The following GPATCH2 variants were observed in gnomAD, a reference collection of about 807,000 sequenced individuals.
GPATCH2 encodes the protein G-patch domain containing 2.
GPATCH2 carries 51 observed loss-of-function variants against 58.0 expected under a neutral mutation model. That is an observed-to-expected ratio of 0.88 (90% CI 0.70 to 1.11). GPATCH2 has a LOEUF of 1.11. Among genes scored for constraint, GPATCH2 ranks in the 50% most tolerant of loss-of-function variants. GPATCH2 has a pLI of 0.00. For missense variants in GPATCH2, 625 were observed against 652.2 expected (o/e 0.96, Z 0.45); for synonymous variants, 222 against 218.5 (o/e 1.02, Z -0.14).
chr1:217,578,918 G>C (rs544310795), intron 5 of GPATCH2, among the ~76,000 whole-genome samples: 5 of 152,268 alleles, frequency 3.3e-5, no homozygotes, highest in Admixed American at 3.3e-4. Context: ...CGATACTCTA[G>C]TACATCCCAA....
chr1:217,606,685 G>T (rs989260381), intron 5 of GPATCH2, among the ~76,000 whole-genome samples: 15 of 152,144 alleles, frequency 9.9e-5, no homozygotes, highest in African/African-American at 3.6e-4. Context: ...CGGCTGCAGT[G>T]AGCCTTGATT....
At chr1:217,586,365 CTTTTTT>C (rs34196545) in intron 5 of GPATCH2, among the ~76,000 whole-genome samples, 8 of 149,100 alleles carry the variant, frequency 5.4e-5, no homozygotes, top group African/African-American at 1.7e-4. Flanking sequence ...TATTTTATAC[CTTTTTT>C]TTTTAACTTT....
chr1:217,511,817 C>CTGTGTGTGTGTGTGTGTG (rs35836441), intron 6 of GPATCH2, among the ~76,000 whole-genome samples: 24 of 149,040 alleles, frequency 1.6e-4, no homozygotes, highest in African/African-American at 5.7e-4. Context: ...AACTGGAAGT[C>CTGTGTGTGTGTGTGTGTG]TGTGTGTGTG....
At position 217,610,344 on chromosome 1, in the gene GPATCH2, A is replaced by AT; in HGVS notation, c.1074dup (p.Ser359IlefsTer17). ...ACCATTGAAGTTGGAGTCCCTCCAGATTTTTTAATATTCTTTGAAGACATT... is the reference window on the plus strand; with the variant it reads ...ACCATTGAAGTTGGAGTCCCTCCAGATTTTTTTAATATTCTTTGAAGACATT... On this transcript the variant is annotated frameshift_variant, in exon 5 of 10. Coordinates refer to ENST00000366935, the MANE Select transcript of GPATCH2 (RefSeq NM_018040.5). LOFTEE classifies it high-confidence loss of function. 1.2e-6 allele frequency: 2 copies of AT among 1,601,310 alleles called. No individual in the cohort carries two copies. The highest frequency in any genetic ancestry group is 4.5e-5 in the East Asian group (2 of 44,808).
intron 5 of GPATCH2, among the ~76,000 whole-genome samples, chr1:217,538,822 G>A (rs1458020467): frequency 6.6e-6 from 1 of 152,168 alleles, no homozygotes; most frequent in East Asian, 1.9e-4. Context: ...ACACTTAACA[G>A]TGTTGGGTCC....
intron 8 of GPATCH2, among the ~76,000 whole-genome samples, chr1:217,465,244 A>G (rs1318622138): frequency 6.6e-6 from 1 of 152,186 alleles, no homozygotes; most frequent in Non-Finnish European, 1.5e-5. Flanking sequence ...AAGGAAAGTG[A>G]TAAATTAAAA....
At chr1:217,456,044 C>T (rs937915162) in intron 8 of GPATCH2, among the ~76,000 whole-genome samples, 1 of 152,086 alleles carries the variant, frequency 6.6e-6, no homozygotes, top group South Asian at 2.1e-4. Flanking sequence ...CCATCCATCT[C>T]ACTGAAAGCC....
intron 5 of GPATCH2, among the ~76,000 whole-genome samples, chr1:217,598,048 T>C (rs1215543245): frequency 6.6e-6 from 1 of 152,172 alleles, no homozygotes; most frequent in Non-Finnish European, 1.5e-5. Flanking sequence ...TGTTGTTACT[T>C]AAAGTTACAC....
intron 2 of GPATCH2, among the ~76,000 whole-genome samples, chr1:217,614,404 C>A (rs573058114): frequency 6.6e-6 from 1 of 151,830 alleles, no homozygotes; most frequent in East Asian, 1.9e-4. Context: ...GCACATAAAA[C>A]CACAGGAATC....
intron 5 of GPATCH2, among the ~76,000 whole-genome samples, chr1:217,542,946 A>C (rs1034846230): frequency 2.0e-5 from 3 of 152,030 alleles, no homozygotes; most frequent in African/African-American, 7.2e-5. Context: ...GCAGCTCACT[A>C]AAGAGAGTAA....
At chr1:217,570,359 C>T (rs1385426915) in intron 5 of GPATCH2, among the ~76,000 whole-genome samples, 2 of 152,046 alleles carry the variant, frequency 1.3e-5, no homozygotes, top group African/African-American at 2.4e-5. Context: ...GTGATCCGCC[C>T]GCCTCGGCCT....
chr1:217,623,288 A>T (rs1052970154), intron 1 of GPATCH2, among the ~76,000 whole-genome samples: 1 of 152,162 alleles, frequency 6.6e-6, no homozygotes, highest in African/African-American at 2.4e-5. Context: ...AATTAAAGTC[A>T]GTTTAGTTTG....
rs1667500955 is a variant in GPATCH2 at position 217,589,679 on chromosome 1, G to T, written c.1098+20642C>A. ...ATCTCTAAAGATAAGAAAATGAAGA[G>T]CACACATTTTCCAGATCCCAGGGAA... On this transcript the variant is annotated intron_variant, in intron 5 of 9. Transcript: ENST00000366935. 7.2e-5 allele frequency among the ~76,000 whole-genome samples: 11 copies of T among 152,086 alleles called. 1 individual carries two copies. The highest frequency in any genetic ancestry group is 7.2e-4 in the Admixed American group (11 of 15,268).
In GPATCH2 at chr1:217,430,256, A is replaced by C. The variant is rs1658470150; in HGVS notation, c.*889T>G. 6.6e-6 allele frequency: 1 copy of C among 152,214 alleles called. No homozygotes were observed. The highest frequency in any genetic ancestry group is 1.5e-5 in the Non-Finnish European group (1 of 68,034). 9.4% of individuals were successfully genotyped at this position (152,214 alleles called of 1,614,324 possible). ...TTAACTTTTCATGTAAATTGATTCAATATTGTAATAAATTACTCCAATGAT... is the reference window on the plus strand; with the variant it reads ...TTAACTTTTCATGTAAATTGATTCACTATTGTAATAAATTACTCCAATGAT... On this transcript the variant is annotated 3_prime_UTR_variant, in exon 10 of 10. Coordinates refer to ENST00000366935, the MANE Select transcript of GPATCH2 (RefSeq NM_018040.5).
Position 217,449,308 on chromosome 1 carries a change from C to G in GPATCH2, c.1307G>C (p.Cys436Ser). The change falls in exon 9 of 10, where the codon TGC (cysteine) becomes TCC (serine). Residue 436 changes from cysteine to serine, a missense_variant. Coordinates refer to ENST00000366935, the MANE Select transcript of GPATCH2 (RefSeq NM_018040.5). ...RQTSMHLGSL[C>S]TGDIKRRRKA... The stretch of plus-strand genomic sequence containing the variant: ...TCTTCTCCGTTTGATATCTCCCGTG[C>G]ATAAGGATCCTAAATGCATGCTTGT... The G allele has an allele frequency of 1.2e-6, 2 of 1,607,422 alleles. No individual in the cohort carries two copies. Among genetic ancestry groups the G allele is most frequent in the Non-Finnish European group, 1.7e-6 (2 of 1,173,998 alleles).
chr1:217,625,855 A>G (rs1669424766), intron 1 of GPATCH2, among the ~76,000 whole-genome samples: 1 of 152,072 alleles, frequency 6.6e-6, no homozygotes, highest in African/African-American at 2.4e-5. Context: ...GTGGTGGTGC[A>G]CACCTGTAAT....
intron 5 of GPATCH2, among the ~76,000 whole-genome samples, chr1:217,547,499 C>T (rs551087075): frequency 9.9e-5 from 15 of 152,230 alleles, no homozygotes; most frequent in African/African-American, 1.9e-4. Flanking sequence ...AAATACCATT[C>T]GATCCAGCAA....
intron 9 of GPATCH2, among the ~76,000 whole-genome samples, chr1:217,439,325 C>A (rs981632277): frequency 2.0e-5 from 3 of 152,128 alleles, no homozygotes; most frequent in African/African-American, 4.8e-5. Flanking sequence ...CCAATGAGAA[C>A]AAAGACACAA....
intron 6 of GPATCH2, among the ~76,000 whole-genome samples, chr1:217,501,386 G>A (rs1414081424): frequency 6.6e-6 from 1 of 152,102 alleles, no homozygotes; most frequent in Non-Finnish European, 1.5e-5. Flanking sequence ...GGGCTATTAT[G>A]AATAAAGCTG....
Sources: allele counts gnomAD v4.1 joint callset (sites outside exome capture counted in the v4.1 genomes callset), GRCh38; gene constraint gnomAD v4.1.1; transcripts MANE v1.5; gene names NCBI Gene and HGNC (gene_info 2026-07-23, HGNC 2026-07-21).